The following COQ8A variants were observed in gnomAD, a reference collection of about 807,000 sequenced individuals.
COQ8A encodes the protein atypical kinase COQ8A, mitochondrial.
Under a neutral mutation model 65.0 loss-of-function variants are expected in COQ8A, and 51 were observed. The ratio of observed to expected loss-of-function variants is 0.78; its 90% CI spans 0.63 to 0.99. COQ8A has a LOEUF of 0.99. Among genes scored for constraint, COQ8A ranks in the 50% least tolerant of loss-of-function variants. The pLI is 0.00. For missense variants in COQ8A, 940 were observed against 875.0 expected, an observed-to-expected ratio of 1.07 and a Z score of -0.94; for synonymous variants, 371 against 353.2, an observed-to-expected ratio of 1.05 and a Z score of -0.57.
intron 13 of COQ8A, 78 bp from the exon 14 acceptor site, chr1:226,985,176 T>C: frequency 6.7e-7 from 1 of 1,495,922 alleles, no homozygotes; most frequent in Middle Eastern, 2.1e-4. Context: ...TGGGCTCGGG[T>C]GTGGCACTTG....
chr1:226,984,697 C>T, intron 12 of COQ8A, 42 bp downstream of exon 12: 1 of 1,581,352 alleles, frequency 6.3e-7, no homozygotes, highest in Non-Finnish European at 8.7e-7. Flanking sequence ...GGCCTGAGAG[C>T]TTCTCCGAAT....
chr1:226,957,280 T>TTC (rs1572032761), intron 1 of COQ8A, among the ~76,000 whole-genome samples: 1 of 36,404 alleles, frequency 2.7e-5, no homozygotes, highest in Non-Finnish European at 5.9e-5. Flanking sequence ...ACACTCTCCC[T>TTC]GCCCCCCCCC....
chr1:226,948,746 C>T (rs1010581800), intron 1 of COQ8A, among the ~76,000 whole-genome samples: 11 of 151,946 alleles, frequency 7.2e-5, no homozygotes, highest in East Asian at 3.9e-4. Flanking sequence ...CCACAAGGAG[C>T]TTATAGTTTG....
At chr1:226,956,645 G>C (rs1192398409) in intron 1 of COQ8A, among the ~76,000 whole-genome samples, 4 of 41,266 alleles carry the variant, frequency 9.7e-5, no homozygotes, top group Non-Finnish European at 9.0e-5. Flanking sequence ...CTCCCTGGCT[G>C]CCACTCTCCC....
intron 5 of COQ8A, among the ~76,000 whole-genome samples, chr1:226,978,668 A>C (rs1572070322): frequency 4.3e-5 from 2 of 46,478 alleles, no homozygotes; most frequent in African/African-American, 7.3e-5. Flanking sequence ...ACACCTGCCC[A>C]CCTCCTTACA....
intron 2 of COQ8A, among the ~76,000 whole-genome samples, chr1:226,963,201 G>A (rs1004071801): frequency 2.0e-5 from 3 of 152,228 alleles, no homozygotes; most frequent in Non-Finnish European, 2.9e-5. Context: ...GTAGGGCTGA[G>A]TGACGAGCCA....
chr1:226,956,054 C>T (rs1224645251), intron 1 of COQ8A, among the ~76,000 whole-genome samples: 2 of 139,772 alleles, frequency 1.4e-5, no homozygotes, highest in African/African-American at 5.7e-5. Flanking sequence ...TCTCACTCTC[C>T]CTGGCTCCCA....
At chr1:226,985,199 G>A (rs1660012410) in intron 13 of COQ8A, 55 bp from the exon 14 acceptor site, 4 of 1,578,690 alleles carry the variant, frequency 2.5e-6, no homozygotes, top group Middle Eastern at 1.9e-4. Flanking sequence ...TCCCTGGGAT[G>A]TCGGGAGCTG....
At chr1:226,958,722 C>A (rs913192330) in intron 1 of COQ8A, among the ~76,000 whole-genome samples, 2 of 152,196 alleles carry the variant, frequency 1.3e-5, no homozygotes, top group African/African-American at 4.8e-5. Flanking sequence ...CATTTATGGT[C>A]ACTCTTTTGG....
At chr1:226,984,700 C>T (rs940847170) in intron 12 of COQ8A, 45 bp downstream of exon 12, 1 of 1,576,810 alleles carries the variant, frequency 6.3e-7, no homozygotes, top group Non-Finnish European at 8.7e-7. Flanking sequence ...CTGAGAGCTT[C>T]TCCGAATGGG....
intron 13 of COQ8A, 29 bp downstream of exon 13, chr1:226,984,970 C>A: frequency 1.2e-6 from 2 of 1,612,376 alleles, no homozygotes; most frequent in South Asian, 2.2e-5. Flanking sequence ...TGGCCTTGGT[C>A]CATGTTTTTC....
At position 226,975,367 on chromosome 1, in the gene COQ8A, G is replaced by A. The variant is rs142473419; in HGVS notation, c.656-2082G>A. Among the ~76,000 whole-genome samples the A allele has an allele frequency of 1.7e-4, 26 of 152,306 alleles. No individual in the cohort carries two copies. In the East Asian group the frequency reaches 4.4e-3, roughly 26 times the overall value. ...CCTGCCCCATGCTGCCCAGTACGGA[G>A]CCGCCAGCCGCACGGGGCCTTGGAA... is the stretch of plus-strand genomic sequence containing the variant. On this transcript the variant is annotated intron_variant, in intron 4 of 14. Coordinates refer to ENST00000366777, the MANE Select transcript of COQ8A (RefSeq NM_020247.5).
chr1:226,984,290 T>G, intron 11 of COQ8A, 55 bp downstream of exon 11: 2 of 1,607,804 alleles, frequency 1.2e-6, no homozygotes, highest in Non-Finnish European at 1.7e-6. Flanking sequence ...GTGTGGCTGT[T>G]TGGTGACCTA....
intron 4 of COQ8A, 150 bp downstream of exon 4, chr1:226,965,887 G>A: frequency 1.2e-6 from 1 of 807,364 alleles, no homozygotes; most frequent in Non-Finnish European, 2.1e-6. Flanking sequence ...CTTTTGGGGA[G>A]CTGGAGTTTT....
At chr1:226,966,420 G>A (rs578249509) in intron 4 of COQ8A, among the ~76,000 whole-genome samples, 31 of 152,334 alleles carry the variant, frequency 2.0e-4, no homozygotes, top group South Asian at 1.9e-3. Context: ...CTGCTAATGC[G>A]CTGGCCCAGA....
intron 4 of COQ8A, among the ~76,000 whole-genome samples, chr1:226,966,180 T>G (rs983810343): frequency 1.3e-5 from 2 of 152,202 alleles, no homozygotes; most frequent in Non-Finnish European, 2.9e-5. Flanking sequence ...ACCAGACATT[T>G]AGGGAGCCCA....
chr1:226,978,143 A>G (rs927628213), intron 5 of COQ8A, among the ~76,000 whole-genome samples: 1 of 145,034 alleles, frequency 6.9e-6, no homozygotes, highest in Non-Finnish European at 1.5e-5. Flanking sequence ...ACACCCACAC[A>G]TCTTACCCTC....
intron 4 of COQ8A, among the ~76,000 whole-genome samples, chr1:226,968,002 AG>A (rs1658664107): frequency 6.6e-6 from 1 of 152,190 alleles, no homozygotes; most frequent in African/African-American, 2.4e-5. Flanking sequence ...TTCAAACTGT[AG>A]GTTATGACCC....
At chr1:226,978,254 C>G (rs1465685386) in intron 5 of COQ8A, among the ~76,000 whole-genome samples, 1 of 104,828 alleles carries the variant, frequency 9.5e-6, no homozygotes, top group Non-Finnish European at 2.3e-5. Flanking sequence ...CCTGCTTACA[C>G]AGCCTCCGCA....
Sources: allele counts gnomAD v4.1 joint callset (sites outside exome capture counted in the v4.1 genomes callset), GRCh38; gene constraint gnomAD v4.1.1; transcripts MANE v1.5; gene names NCBI Gene and HGNC (gene_info 2026-07-23, HGNC 2026-07-21).